The following SAMD12 variants were observed in gnomAD, a reference collection of about 807,000 sequenced individuals.
SAMD12 encodes the protein sterile alpha motif domain containing 12.
A neutral mutation model predicts 15.0 loss-of-function variants in SAMD12; 9 were observed. The ratio of observed to expected loss-of-function variants is 0.60; its 90% CI spans 0.36 to 1.05. SAMD12 has a LOEUF of 1.05. Among genes scored for constraint, SAMD12 ranks in the 50% least tolerant of loss-of-function variants. The pLI, the probability that SAMD12 is intolerant of heterozygous loss-of-function variation, is 0.01. For missense variants in SAMD12, 230 were observed against 234.2 expected, an observed-to-expected ratio of 0.98 and a Z score of 0.12; for synonymous variants, 86 against 90.1, an observed-to-expected ratio of 0.96 and a Z score of 0.25.
At chr8:118,374,159 A>T (rs553773512), downstream of SAMD12, among the ~76,000 whole-genome samples, 109 of 152,190 alleles carry the variant, frequency 7.2e-4, no homozygotes, top group Non-Finnish European at 9.9e-4. Context: ...TCCTCCTCCA[A>T]GCCCTTGTAG....
the SAMD12 span, among the ~76,000 whole-genome samples, chr8:118,177,589 C>T: frequency 6.6e-6 from 1 of 152,042 alleles, no homozygotes; most frequent in Admixed American, 6.6e-5. Flanking sequence ...CACGGTGGCT[C>T]ATAGATGGGT....
chr8:118,374,379 A>C (rs1456132370), downstream of SAMD12, among the ~76,000 whole-genome samples: 2 of 152,118 alleles, frequency 1.3e-5, no homozygotes, highest in East Asian at 3.8e-4. Context: ...TTATCCGTTC[A>C]TCTGTTGATA....
chr8:118,544,611 T>C (rs1204921265), intron 2 of SAMD12, among the ~76,000 whole-genome samples: 2 of 152,268 alleles, frequency 1.3e-5, no homozygotes, highest in East Asian at 3.9e-4. Context: ...CTAAAGTACT[T>C]GATAGACATT....
chr8:118,318,564 AG>A (rs1247735193), intron 4 of SAMD12, among the ~76,000 whole-genome samples: 1 of 151,794 alleles, frequency 6.6e-6, no homozygotes, highest in East Asian at 1.9e-4. Flanking sequence ...TTGGAGACTC[AG>A]GATAGTGGGA....
intron 2 of SAMD12, among the ~76,000 whole-genome samples, chr8:118,513,422 A>C (rs1825141622): frequency 6.6e-6 from 1 of 152,204 alleles, no homozygotes; most frequent in Non-Finnish European, 1.5e-5. Context: ...TTAAGCTGTA[A>C]ACTTATAACT....
the SAMD12 span, among the ~76,000 whole-genome samples, chr8:118,173,818 C>T: frequency 3.3e-5 from 5 of 151,624 alleles, no homozygotes; most frequent in African/African-American, 4.8e-5. Context: ...TTAGTAGAGA[C>T]GGGGTTTCAC....
the SAMD12 span, among the ~76,000 whole-genome samples, chr8:118,180,395 C>T: frequency 2.0e-5 from 3 of 152,240 alleles, no homozygotes; most frequent in African/African-American, 7.2e-5. Context: ...TATCCATGTA[C>T]ACACCACGAC....
intron 1 of SAMD12, among the ~76,000 whole-genome samples, chr8:118,613,832 CAGAG>C (rs1367918194): frequency 6.6e-6 from 1 of 152,138 alleles, no homozygotes; most frequent in East Asian, 1.9e-4. Flanking sequence ...ATCAGACAAT[CAGAG>C]AGAGGCCAGC....
chr8:118,480,263 A>T (rs989119131), intron 2 of SAMD12, among the ~76,000 whole-genome samples: 3 of 152,210 alleles, frequency 2.0e-5, no homozygotes, highest in African/African-American at 7.2e-5. Flanking sequence ...GGAAGGTTAC[A>T]GGAAGAGAAG....
At chr8:118,183,316 T>C in the SAMD12 span, among the ~76,000 whole-genome samples, 7 of 152,216 alleles carry the variant, frequency 4.6e-5, no homozygotes, top group African/African-American at 1.2e-4. Flanking sequence ...TTCTTTAAAG[T>C]AGGAGTTCTT....
intron 2 of SAMD12, among the ~76,000 whole-genome samples, chr8:118,538,914 A>G (rs1177574578): frequency 6.6e-6 from 1 of 152,210 alleles, no homozygotes; most frequent in Non-Finnish European, 1.5e-5. Flanking sequence ...CTCCCAAAAT[A>G]TCATTATCTC....
At chr8:118,514,949 C>A (rs1825191456) in intron 2 of SAMD12, among the ~76,000 whole-genome samples, 1 of 152,132 alleles carries the variant, frequency 6.6e-6, no homozygotes, top group Admixed American at 6.5e-5. Flanking sequence ...AACAAACTTC[C>A]CCTTTGCTGT....
intron 3 of SAMD12, among the ~76,000 whole-genome samples, chr8:118,387,840 T>G (rs369509507): frequency 3.3e-5 from 5 of 152,166 alleles, no homozygotes; most frequent in East Asian, 1.9e-4. Context: ...AGTGGGAACA[T>G]TATCATAGCA....
chr8:118,246,724 G>T (rs1168439893), intron 4 of SAMD12, among the ~76,000 whole-genome samples: 1 of 151,510 alleles, frequency 6.6e-6, no homozygotes, highest in East Asian at 1.9e-4. Flanking sequence ...TTTTAGAGAA[G>T]AGGCATTGAC....
At chr8:118,615,018 G>A (rs778144950) in intron 1 of SAMD12, among the ~76,000 whole-genome samples, 14 of 152,182 alleles carry the variant, frequency 9.2e-5, no homozygotes, top group Non-Finnish European at 1.9e-4. Context: ...TGTGGGGAAT[G>A]CTGCAGGTTT....
chr8:118,315,521 G>A (rs1815848163), intron 4 of SAMD12, among the ~76,000 whole-genome samples: 1 of 152,168 alleles, frequency 6.6e-6, no homozygotes, highest in South Asian at 2.1e-4. Flanking sequence ...GAGAGCCATG[G>A]ATTCTGTCAT....
chr8:118,504,014 A>T (rs1824856632), intron 2 of SAMD12, among the ~76,000 whole-genome samples: 1 of 152,144 alleles, frequency 6.6e-6, no homozygotes, highest in Non-Finnish European at 1.5e-5. Context: ...CCCTAGTAAT[A>T]GCCTGTGTCA....
intron 4 of SAMD12, among the ~76,000 whole-genome samples, chr8:118,219,417 C>T (rs1354495091): frequency 1.3e-5 from 2 of 152,158 alleles, no homozygotes; most frequent in Non-Finnish European, 2.9e-5. Flanking sequence ...GGTTATAAAT[C>T]TAAAGTACAA....
At chr8:118,458,081 CA>C (rs1823312999) in intron 2 of SAMD12, among the ~76,000 whole-genome samples, 1 of 152,210 alleles carries the variant, frequency 6.6e-6, no homozygotes, top group Admixed American at 6.5e-5. Flanking sequence ...ATTTGACAAA[CA>C]TCACCCAGAG....
Sources: gnomAD v4.1 joint callset for allele counts (sites outside exome capture counted in the v4.1 genomes callset) on GRCh38, gnomAD v4.1.1 for gene constraint, MANE v1.5 for transcripts, NCBI Gene and HGNC (gene_info 2026-07-23, HGNC 2026-07-21) for gene names.